Variants in SEC24A observed in about 807,000 individuals in gnomAD.
The protein encoded by SEC24A is protein transport protein Sec24A.
A neutral mutation model predicts 129.4 loss-of-function variants in SEC24A; 93 were observed. The ratio of observed to expected loss-of-function variants is 0.72; its 90% CI spans 0.61 to 0.85. SEC24A has a LOEUF of 0.85. Ranked by LOEUF, SEC24A falls within the 40% of genes least tolerant of loss-of-function variation. The pLI is 0.00. For missense variants in SEC24A, 1,264 were observed against 1,307.4 expected, an observed-to-expected ratio of 0.97 and a Z score of 0.51; for synonymous variants, 460 against 467.3, an observed-to-expected ratio of 0.98 and a Z score of 0.20.
chr5:134,721,452 A>G (rs948558416), intron 21 of SEC24A, among the ~76,000 whole-genome samples: 1 of 150,468 alleles, frequency 6.6e-6, no homozygotes, highest in South Asian at 2.1e-4. Context: ...AGTCCCAGCT[A>G]CTCAGGAGAT....
intron 15 of SEC24A, among the ~76,000 whole-genome samples, chr5:134,700,820 G>A (rs985138544): frequency 5.9e-5 from 9 of 151,546 alleles, no homozygotes; most frequent in South Asian, 2.1e-4. Context: ...CTGGGTTCAC[G>A]CCATTCTCCT....
intron 19 of SEC24A, among the ~76,000 whole-genome samples, chr5:134,716,956 C>T (rs1311656997): frequency 2.7e-5 from 4 of 150,400 alleles, no homozygotes; most frequent in East Asian, 2.1e-4. Context: ...CTCGGCTCAC[C>T]GCAGCCTCCG....
chr5:134,668,798 A>G (rs1750755414), intron 3 of SEC24A, among the ~76,000 whole-genome samples: 1 of 152,078 alleles, frequency 6.6e-6, no homozygotes. Context: ...CGGGAGGCTG[A>G]GACAGGAGAA....
chr5:134,687,918 T>G (rs1298562219), intron 10 of SEC24A, among the ~76,000 whole-genome samples: 1 of 152,358 alleles, frequency 6.6e-6, no homozygotes, highest in Admixed American at 6.5e-5. Context: ...TAAGTGATTA[T>G]ATGTAGCTTT....
intron 18 of SEC24A, among the ~76,000 whole-genome samples, chr5:134,711,964 G>C (rs1752340099): frequency 6.6e-6 from 1 of 152,010 alleles, no homozygotes; most frequent in Admixed American, 6.6e-5. Flanking sequence ...AGCCAGGATG[G>C]TCTCGATCTC....
chr5:134,715,224 A>G, intron 19 of SEC24A, 63 bp downstream of exon 19: 1 of 1,336,222 alleles, frequency 7.5e-7, no homozygotes, highest in Non-Finnish European at 1.0e-6. Flanking sequence ...ATAGTCCAGT[A>G]CAGAAATGAG....
chr5:134,702,392 A>T (rs1215646894), intron 15 of SEC24A, among the ~76,000 whole-genome samples: 1 of 152,250 alleles, frequency 6.6e-6, no homozygotes, highest in Non-Finnish European at 1.5e-5. Flanking sequence ...TTCTTGTAAA[A>T]AATAAAAACA....
At position 134,661,037 on chromosome 5, in the gene SEC24A, G is replaced by A. The variant is rs150348050; in HGVS notation, c.98-82G>A. 2.3e-4 allele frequency: 232 copies of A among 993,836 alleles called. No individual in the cohort carries two copies. In the African/African-American group the frequency reaches 2.8e-3, roughly 12 times the overall value. 61.6% of individuals were successfully genotyped at this position (993,836 alleles called of 1,614,324 possible). A position where few individuals can be genotyped will look rare whatever the true frequency, so the allele number is the denominator to read the frequency against. ...GAGTTATGTGTTTTTATTGCTGACTGTAAGAATATATGTTTTACTTTATTT... is the reference window on the plus strand; with the variant it reads ...GAGTTATGTGTTTTTATTGCTGACTATAAGAATATATGTTTTACTTTATTT... On this transcript the variant is annotated intron_variant, in intron 1 of 22. Transcript: ENST00000398844.
chr5:134,653,674 C>T lies in SEC24A; in HGVS notation c.97+4501C>T, dbSNP rs140107998. On this transcript the variant is annotated intron_variant, in intron 1 of 22. Coordinates refer to ENST00000398844, the MANE Select transcript of SEC24A (RefSeq NM_021982.3). ...TAGCCCAAGAATTCAAGACCACCCT[C>T]GGCAACATAGTGAGAACCTGTCTCT... 2.3e-3 allele frequency among the ~76,000 whole-genome samples: 345 copies of T among 151,386 alleles called. 2 individuals are homozygous for T. Among genetic ancestry groups the T allele is most frequent in the African/African-American group, 7.8e-3 (323 of 41,224 alleles).
intron 18 of SEC24A, 25 bp from the exon 19 acceptor site, chr5:134,714,999 G>A: frequency 6.2e-7 from 1 of 1,600,938 alleles, no homozygotes; most frequent in Non-Finnish European, 8.5e-7. Flanking sequence ...ATTCTTTTGT[G>A]GGGAATGGGG....
At chr5:134,673,317 G>C (rs1412304298) in intron 4 of SEC24A, among the ~76,000 whole-genome samples, 1 of 151,764 alleles carries the variant, frequency 6.6e-6, no homozygotes, top group African/African-American at 2.4e-5. Flanking sequence ...GCCTCCCAAA[G>C]TGCTGGGATT....
chr5:134,681,269 G>A (rs1408013065), intron 8 of SEC24A, among the ~76,000 whole-genome samples: 1 of 151,146 alleles, frequency 6.6e-6, no homozygotes, highest in Admixed American at 6.6e-5. Flanking sequence ...GTGTGGTGGC[G>A]GGCACCTGTA....
intron 7 of SEC24A, 128 bp from the exon 8 acceptor site, chr5:134,679,474 C>T: frequency 1.8e-6 from 1 of 544,216 alleles, no homozygotes; most frequent in Non-Finnish European, 3.2e-6. Flanking sequence ...TTAGATACAT[C>T]TTGTACTCTA....
At chr5:134,688,082 T>C in intron 10 of SEC24A, 99 bp from the exon 11 acceptor site, 1 of 773,550 alleles carries the variant, frequency 1.3e-6, no homozygotes, top group Non-Finnish European at 2.3e-6. Context: ...ATTTCTATAA[T>C]ATTGAATTAG....
At chr5:134,683,987 C>T (rs185447557) in intron 9 of SEC24A, among the ~76,000 whole-genome samples, 168 of 152,254 alleles carry the variant, frequency 1.1e-3, no homozygotes, top group African/African-American at 3.9e-3. Flanking sequence ...ATGAAGATAA[C>T]TCTCAACACT....
chr5:134,663,936 C>A (rs985078014), intron 2 of SEC24A, among the ~76,000 whole-genome samples: 3 of 152,078 alleles, frequency 2.0e-5, no homozygotes, highest in Non-Finnish European at 4.4e-5. Flanking sequence ...ATGGTGAAAA[C>A]CTCGTGTCTA....
chr5:134,648,413 G>A (rs958260351), upstream of SEC24A: 11 of 152,310 alleles, frequency 7.2e-5, no homozygotes, highest in African/African-American at 2.4e-4. Context: ...CTCAACAGAG[G>A]ACGATGACTT....
Position 134,688,176 on chromosome 5 carries a change from T to C in SEC24A, c.1605-5T>C. ...GATAAAATACTCTTCTGAATTTGTT[T>C]TTAGGCTTCCTGGCAACACTAGAAC... On this transcript the variant is annotated splice_region_variant and splice_polypyrimidine_tract_variant and intron_variant, in intron 10 of 22. Transcript: ENST00000398844. The C allele has an allele frequency of 6.5e-7, 1 of 1,545,884 alleles. No homozygotes were observed.
intron 16 of SEC24A, among the ~76,000 whole-genome samples, chr5:134,705,090 A>ATATATATATT (rs1180461537): frequency 3.0e-4 from 37 of 123,288 alleles, no homozygotes; most frequent in African/African-American, 1.1e-3. Flanking sequence ...ATATATATAT[A>ATATATATATT]TTTTTTTTTT....
Sources: allele counts gnomAD v4.1 joint callset (sites outside exome capture counted in the v4.1 genomes callset), GRCh38; gene constraint gnomAD v4.1.1; transcripts MANE v1.5; gene names NCBI Gene and HGNC (gene_info 2026-07-23, HGNC 2026-07-21).